The following CIMIP2C variants were observed in gnomAD, a reference collection of about 807,000 sequenced individuals.
The protein encoded by CIMIP2C is UPF0573 protein C2orf70.
At chr2:26,569,829 A>T in the CIMIP2C span, among the ~76,000 whole-genome samples, 1 of 152,160 alleles carries the variant, frequency 6.6e-6, no homozygotes, top group Admixed American at 6.5e-5. Flanking sequence ...CAACACAGCA[A>T]ATGCTGCCAC....
the CIMIP2C span, among the ~76,000 whole-genome samples, chr2:26,565,575 G>A: frequency 6.6e-6 from 1 of 152,138 alleles, no homozygotes; most frequent in African/African-American, 2.4e-5. Context: ...GAATGGGGTC[G>A]ACAGTAAGAG....
At chr2:26,574,181 G>C in the CIMIP2C span, among the ~76,000 whole-genome samples, 10 of 152,194 alleles carry the variant, frequency 6.6e-5, no homozygotes, top group South Asian at 2.1e-4. Flanking sequence ...AGGTGATGGG[G>C]CTGGAGAGCT....
chr2:26,568,349 T>C, the CIMIP2C span, among the ~76,000 whole-genome samples: 4 of 152,066 alleles, frequency 2.6e-5, no homozygotes, highest in African/African-American at 9.7e-5. Context: ...GCCACGTCAT[T>C]CCCCACCCCT....
the CIMIP2C span, among the ~76,000 whole-genome samples, chr2:26,574,385 T>C: frequency 6.6e-6 from 1 of 151,936 alleles, no homozygotes; most frequent in African/African-American, 2.4e-5. Context: ...GCTACAGGAC[T>C]TGGTGACTGA....
the CIMIP2C span, among the ~76,000 whole-genome samples, chr2:26,571,218 GA>G: frequency 6.6e-6 from 1 of 152,250 alleles, no homozygotes; most frequent in East Asian, 1.9e-4. Context: ...ATGGGTCCCT[GA>G]AAAGAGAAGA....
At chr2:26,579,365 C>A in the CIMIP2C span, 1 of 1,613,922 alleles carries the variant, frequency 6.2e-7, no homozygotes, top group East Asian at 2.2e-5. Context: ...ACCTACCAGA[C>A]CTTCCCATCA....
chr2:26,565,760 C>A, the CIMIP2C span, among the ~76,000 whole-genome samples: 1 of 152,354 alleles, frequency 6.6e-6, no homozygotes. Context: ...GGCACTTGAT[C>A]ATTGTTAGCT....
At chr2:26,573,035 C>A in the CIMIP2C span, among the ~76,000 whole-genome samples, 1 of 152,222 alleles carries the variant, frequency 6.6e-6, no homozygotes, top group Non-Finnish European at 1.5e-5. Flanking sequence ...TTTTCCCAAA[C>A]AAGTTTCTTC....
At chr2:26,577,739 G>A in the CIMIP2C span, 1 of 786,322 alleles carries the variant, frequency 1.3e-6, no homozygotes, top group East Asian at 2.6e-5. Context: ...TGAGGATCTT[G>A]CCCTAAAACG....
chr2:26,562,714 T>C, the CIMIP2C span: 1 of 1,541,268 alleles, frequency 6.5e-7, no homozygotes, highest in Non-Finnish European at 8.8e-7. Context: ...CCTCCTCCCC[T>C]CCCCCTTCCA....
At chr2:26,564,712 C>T in the CIMIP2C span, among the ~76,000 whole-genome samples, 1 of 152,236 alleles carries the variant, frequency 6.6e-6, no homozygotes, top group Non-Finnish European at 1.5e-5. Flanking sequence ...TCTGTTCAAA[C>T]ACTAATCACA....
At chr2:26,574,220 G>A in the CIMIP2C span, among the ~76,000 whole-genome samples, 2 of 152,196 alleles carry the variant, frequency 1.3e-5, no homozygotes, top group African/African-American at 4.8e-5. Context: ...AGATGGCCTC[G>A]AATGCCACGC....
chr2:26,564,109 G>A, the CIMIP2C span, among the ~76,000 whole-genome samples: 2 of 152,230 alleles, frequency 1.3e-5, no homozygotes, highest in Admixed American at 6.5e-5. Flanking sequence ...CCCTAGTGTG[G>A]TGTAAACACA....
the CIMIP2C span, among the ~76,000 whole-genome samples, chr2:26,572,653 A>G: frequency 6.6e-6 from 1 of 152,200 alleles, no homozygotes; most frequent in East Asian, 1.9e-4. Context: ...CTTGAGAAAG[A>G]AGGTGAAAGA....
the CIMIP2C span, among the ~76,000 whole-genome samples, chr2:26,573,127 T>C: frequency 1.3e-5 from 2 of 152,104 alleles, no homozygotes; most frequent in Non-Finnish European, 2.9e-5. Context: ...GACCTTAATT[T>C]AGATGTAGAG....
chr2:26,569,292 A>T, the CIMIP2C span, among the ~76,000 whole-genome samples: 1 of 152,200 alleles, frequency 6.6e-6, no homozygotes, highest in African/African-American at 2.4e-5. Context: ...TCAAAGCAGC[A>T]AATAGCCTCT....
chr2:26,569,049 CA>C, the CIMIP2C span, among the ~76,000 whole-genome samples: 1 of 149,668 alleles, frequency 6.7e-6, no homozygotes, highest in Non-Finnish European at 1.5e-5. Flanking sequence ...AAAAGAAAAA[CA>C]ATATGAACTG....
the CIMIP2C span, among the ~76,000 whole-genome samples, chr2:26,563,382 C>G: frequency 6.6e-6 from 1 of 152,200 alleles, no homozygotes; most frequent in African/African-American, 2.4e-5. Context: ...CAGACTCCAA[C>G]CATCTAACAT....
chr2:26,579,463 G>A, the CIMIP2C span: 151 of 1,607,642 alleles, frequency 9.4e-5, no homozygotes, highest in Non-Finnish European at 1.3e-4. Context: ...AGCAGAGCCT[G>A]ATGCCTGAGA....
Sources: allele counts gnomAD v4.1 joint callset (sites outside exome capture counted in the v4.1 genomes callset), GRCh38; gene constraint gnomAD v4.1.1; transcripts MANE v1.5; gene names NCBI Gene and HGNC (gene_info 2026-07-23, HGNC 2026-07-21).